Variants in COL4A6 observed in about 807,000 individuals in gnomAD.
The protein encoded by COL4A6 is collagen alpha-6(IV) chain.
COL4A6 carries 59 observed loss-of-function variants against 126.7 expected under a neutral mutation model. That is an observed-to-expected ratio of 0.47 (90% CI 0.38 to 0.58). COL4A6 has a LOEUF of 0.58. COL4A6 is among the 20% of genes least tolerant of loss of function. The probability of loss-of-function intolerance (pLI) is 0.00; values close to 1 mark genes in which losing one functional copy is unlikely to be tolerated. For synonymous variants in COL4A6, 547 were observed against 496.6 expected, an observed-to-expected ratio of 1.10 and a Z score of -1.35; for missense variants, 1,285 against 1,337.3, an observed-to-expected ratio of 0.96 and a Z score of 0.61.
At chrX:108,433,460 A>G in intron 2 of COL4A6, among the ~76,000 whole-genome samples, 1 of 111,526 alleles carries the variant, frequency 9.0e-6, no homozygotes, top group East Asian at 2.8e-4. Context: ...TCACCTACAC[A>G]GTATAAGACA....
chrX:108,370,450 T>C (rs1158785732), intron 2 of COL4A6, among the ~76,000 whole-genome samples: 1 of 111,501 alleles, frequency 9.0e-6, no homozygotes, highest in Non-Finnish European at 1.9e-5. Flanking sequence ...TGTCCTACCA[T>C]ATACCTTAAT....
chrX:108,363,211 G>A (rs1160440641), intron 2 of COL4A6, among the ~76,000 whole-genome samples: 1 of 111,664 alleles, frequency 9.0e-6, no homozygotes, highest in Non-Finnish European at 1.9e-5. Context: ...ATATTATAGA[G>A]GAGGTTTGGT....
At chrX:108,177,174 G>A (rs1240574962) in intron 27 of COL4A6, among the ~76,000 whole-genome samples, 163 bp from the exon 28 acceptor site, 1 of 112,537 alleles carries the variant, frequency 8.9e-6, no homozygotes, top group East Asian at 2.8e-4. Context: ...AGAGTTCTTA[G>A]TTGGCTGAAG....
Position 108,179,223 on chromosome X carries a change from G to C in COL4A6, c.2347C>G (p.Leu783Val). 1 of 1,209,359 alleles carries C rather than the reference G, an allele frequency of 8.3e-7. No individual in the cohort carries two copies. The highest frequency in any genetic ancestry group is 1.1e-6 in the Non-Finnish European group (1 of 893,414). The change falls in exon 26 of 45, where the codon CTC (leucine) becomes GTC (valine). Residue 783 changes from leucine to valine, a missense_variant. Coordinates refer to ENST00000334504, the MANE Select transcript of COL4A6 (RefSeq NM_033641.4). ...GFLGDSGLPG[L>V]KGVHGKPGLL... ...TTGGGGCAAAAAGATTCACCCTTGA[G>C]TCCTGGAAGGCCAGAGTCTCCAAGA...
intron 2 of COL4A6, among the ~76,000 whole-genome samples, chrX:108,332,188 T>A (rs2039317970): frequency 8.9e-6 from 1 of 111,874 alleles, no homozygotes; most frequent in Admixed American, 9.5e-5. Flanking sequence ...ATGATTCCAT[T>A]CTTTTTTGTG....
chrX:108,165,053 G>A lies in COL4A6; in HGVS notation c.3809-15C>T, dbSNP rs747890668. 6.3e-5 allele frequency: 75 copies of A among 1,195,571 alleles called. No homozygotes were observed. Among genetic ancestry groups the A allele is most frequent in the Middle Eastern group, 2.5e-4 (1 of 3,974 alleles). On this transcript the variant is annotated splice_polypyrimidine_tract_variant and intron_variant, in intron 38 of 44. Coordinates refer to ENST00000334504, the MANE Select transcript of COL4A6 (RefSeq NM_033641.4). ...GCCTGGGCGGCCTAGGGATAAGATC[G>A]GAAGAGGGGCGAGGGGCAGGTGAAC...
At chrX:108,163,256 G>A (rs1024093652) in intron 40 of COL4A6, 2 of 367,894 alleles carry the variant, frequency 5.4e-6, no homozygotes, top group Non-Finnish European at 9.4e-6. Context: ...GCAGGAACTG[G>A]GTCATATTCA....
intron 2 of COL4A6, among the ~76,000 whole-genome samples, chrX:108,363,060 A>G (rs1376756374): frequency 2.7e-5 from 3 of 112,421 alleles, no homozygotes; most frequent in Non-Finnish European, 5.6e-5. Context: ...CAGTAGCTCA[A>G]AACAAGGATG....
chrX:108,331,474 T>C (rs1463212151), intron 2 of COL4A6, among the ~76,000 whole-genome samples: 8 of 112,247 alleles, frequency 7.1e-5, no homozygotes, highest in Admixed American at 6.6e-4. Flanking sequence ...AAACACGATG[T>C]TAAGTAATTA....
chrX:108,434,144 CACTT>C lies in COL4A6; in HGVS notation c.63+3794_63+3797del, dbSNP rs1022404966. 9.2e-4 allele frequency among the ~76,000 whole-genome samples: 103 copies of C among 111,796 alleles called. 1 individual carries two copies. Among genetic ancestry groups the C allele is most frequent in the African/African-American group, 3.1e-3 (94 of 30,777 alleles). ...TGCTTAAAAATTAAAAGATTGTTGG[CACTT>C]AGAGTCAACACAATTCCCCTCATGC... On this transcript the variant is annotated intron_variant, in intron 2 of 44. Transcript: ENST00000334504.
intron 2 of COL4A6, among the ~76,000 whole-genome samples, chrX:108,327,870 G>C (rs759510140): frequency 3.1e-4 from 34 of 110,550 alleles, no homozygotes; most frequent in African/African-American, 1.1e-3. Context: ...AAGTCATTCT[G>C]AATAGGTTCC....
intron 3 of COL4A6, among the ~76,000 whole-genome samples, chrX:108,279,697 TCAGCAC>T (rs934482729): frequency 1.8e-5 from 2 of 111,921 alleles, no homozygotes; most frequent in African/African-American, 6.5e-5. Context: ...TACATTTTTT[TCAGCAC>T]CACACCACAC....
intron 2 of COL4A6, among the ~76,000 whole-genome samples, chrX:108,413,395 G>C (rs1439075381): frequency 8.9e-6 from 1 of 111,949 alleles, no homozygotes. Flanking sequence ...ATGTTCTTTA[G>C]GATCCAAAAG....
chrX:108,389,850 T>C (rs1198242739), intron 2 of COL4A6, among the ~76,000 whole-genome samples: 1 of 111,827 alleles, frequency 8.9e-6, no homozygotes, highest in Non-Finnish European at 1.9e-5. Flanking sequence ...TTGGTATGTT[T>C]TTCCAGTGGC....
At chrX:108,378,512 G>A (rs1254141637) in intron 2 of COL4A6, among the ~76,000 whole-genome samples, 1 of 112,269 alleles carries the variant, frequency 8.9e-6, no homozygotes, top group Admixed American at 9.4e-5. Flanking sequence ...ATAGAAGCTG[G>A]CCAGATGTTT....
intron 3 of COL4A6, among the ~76,000 whole-genome samples, chrX:108,300,366 CTGTGTGTGTGTGTGTG>C (rs3039370): frequency 6.1e-5 from 6 of 98,169 alleles, no homozygotes; most frequent in East Asian, 3.5e-4. Context: ...CTCTCTCTCT[CTGTGTGTGTGTGTGTG>C]TGTGTGTGTG....
chrX:108,375,610 G>T (rs1448619926), intron 2 of COL4A6, among the ~76,000 whole-genome samples: 1 of 109,475 alleles, frequency 9.1e-6, no homozygotes, highest in Non-Finnish European at 1.9e-5. Context: ...AACATTTGCA[G>T]TTCTCACGTC....
In COL4A6 at chrX:108,206,501, G is replaced by A. The variant is rs374934703; in HGVS notation, c.609+17C>T. On this transcript the variant is annotated intron_variant, in intron 9 of 44. Transcript: ENST00000334504. Reference sequence around the variant, plus strand: ...TGTGAACACTGTGATCACAAACTAGGCTTAAATTGATCTTACTTGTAATCC... The same window carrying A: ...TGTGAACACTGTGATCACAAACTAGACTTAAATTGATCTTACTTGTAATCC... 1.0e-4 allele frequency: 120 copies of A among 1,198,496 alleles called. No homozygotes were observed. The highest frequency in any genetic ancestry group is 1.5e-4 in the Admixed American group (7 of 45,656).
chrX:108,167,595 C>T (rs2034168648), intron 37 of COL4A6, among the ~76,000 whole-genome samples: 2 of 111,307 alleles, frequency 1.8e-5, no homozygotes, highest in South Asian at 7.6e-4. Context: ...CATGGCCTCC[C>T]AAAGTGCTAA....
Sources: allele counts gnomAD v4.1 joint callset (sites outside exome capture counted in the v4.1 genomes callset), GRCh38; gene constraint gnomAD v4.1.1; transcripts MANE v1.5; gene names NCBI Gene and HGNC (gene_info 2026-07-23, HGNC 2026-07-21).